The following EXOC2 variants were observed in gnomAD, a reference collection of about 807,000 sequenced individuals.
EXOC2 encodes the protein exocyst complex component 2.
EXOC2 carries 70 observed loss-of-function variants against 131.8 expected under a neutral mutation model. The ratio of observed to expected loss-of-function variants is 0.53; its 90% CI spans 0.44 to 0.65. The LOEUF is 0.65. EXOC2 is among the 30% of genes least tolerant of loss of function. The probability of loss-of-function intolerance (pLI) is 0.00; values close to 1 mark genes in which losing one functional copy is unlikely to be tolerated. For missense variants in EXOC2, 923 were observed against 1,108.6 expected, an observed-to-expected ratio of 0.83 and a Z score of 2.38; for synonymous variants, 411 against 398.4, an observed-to-expected ratio of 1.03 and a Z score of -0.38.
chr6:593,182 T>C lies in EXOC2; in HGVS notation c.1074-595A>G, dbSNP rs532563242. On this transcript the variant is annotated intron_variant, in intron 10 of 27. Coordinates refer to ENST00000230449, the MANE Select transcript of EXOC2 (RefSeq NM_018303.6). ...TATCTACCTGATGAGCATTTTTCTTTATATTTATATTTAGTTCACAGGAGT... is the reference window on the plus strand; with the variant it reads ...TATCTACCTGATGAGCATTTTTCTTCATATTTATATTTAGTTCACAGGAGT... Among the ~76,000 whole-genome samples, 115 of 152,362 alleles carry C rather than the reference T, an allele frequency of 7.5e-4. 1 individual carries two copies. Among genetic ancestry groups the C allele is most frequent in the African/African-American group, 2.7e-3 (112 of 41,586 alleles).
At chr6:685,631 G>A (rs1468706030) in intron 1 of EXOC2, among the ~76,000 whole-genome samples, 3 of 152,194 alleles carry the variant, frequency 2.0e-5, no homozygotes, top group African/African-American at 7.2e-5. Context: ...CTCAGAGACA[G>A]GGTCATGAAC....
chr6:613,100 C>A (rs1374854305), intron 6 of EXOC2, among the ~76,000 whole-genome samples: 1 of 152,144 alleles, frequency 6.6e-6, no homozygotes, highest in Non-Finnish European at 1.5e-5. Flanking sequence ...ACCCACAGGT[C>A]ACTCCCACTT....
At chr6:635,941 T>TA (rs1762080793) in intron 2 of EXOC2, among the ~76,000 whole-genome samples, 1 of 152,240 alleles carries the variant, frequency 6.6e-6, no homozygotes, top group Non-Finnish European at 1.5e-5. Flanking sequence ...CATGCGCCTG[T>TA]AGTCCCAGCT....
chr6:685,324 A>G (rs1247014920), intron 1 of EXOC2, among the ~76,000 whole-genome samples: 2 of 152,136 alleles, frequency 1.3e-5, no homozygotes, highest in East Asian at 3.9e-4. Context: ...TTCAACAGTA[A>G]AATTAGGCTC....
intron 22 of EXOC2, among the ~76,000 whole-genome samples, chr6:544,335 G>T (rs1016039691): frequency 2.0e-5 from 3 of 152,174 alleles, no homozygotes; most frequent in Admixed American, 1.3e-4. Flanking sequence ...TTCTGATGGG[G>T]TATCTCTCTA....
At chr6:545,741 A>G (rs1056065633) in intron 22 of EXOC2, among the ~76,000 whole-genome samples, 5 of 152,230 alleles carry the variant, frequency 3.3e-5, no homozygotes, top group African/African-American at 9.6e-5. Context: ...ATCGTGAGGA[A>G]GTAATTAGAC....
intron 23 of EXOC2, among the ~76,000 whole-genome samples, chr6:515,070 G>A (rs1765068321): frequency 6.6e-6 from 1 of 152,202 alleles, no homozygotes; most frequent in African/African-American, 2.4e-5. Flanking sequence ...AAACTATAAA[G>A]ATATTGGCTT....
chr6:648,960 G>C (rs1766841), intron 1 of EXOC2, among the ~76,000 whole-genome samples: 1 of 151,768 alleles, frequency 6.6e-6, no homozygotes, highest in Non-Finnish European at 1.5e-5. Flanking sequence ...CAATCTGCCC[G>C]CTTCCGCCTC....
At chr6:636,263 T>G (rs1335391240) in intron 2 of EXOC2, among the ~76,000 whole-genome samples, 1 of 152,174 alleles carries the variant, frequency 6.6e-6, no homozygotes, top group Non-Finnish European at 1.5e-5. Flanking sequence ...ATTTTTACAC[T>G]TAGGTAAAGA....
rs192548095 is a variant in EXOC2, at chr6:619,531, C to G, written c.435G>C (p.Ser145=). Reference sequence around the variant, plus strand: ...GGAATAGCATTTCTAAGTCCTTCTGCGAAAATTTACTTCTGAGGGGAAAAA... The same window carrying G: ...GGAATAGCATTTCTAAGTCCTTCTGGGAAAATTTACTTCTGAGGGGAAAAA... ...LGIEIEKSKF[S]QKDLEMLFHG... Residue 145 remains serine (S), a synonymous_variant, in exon 5 of 28, where the codon TCG becomes TCC. Transcript: ENST00000230449. 1 of 1,612,786 alleles carries G rather than the reference C, an allele frequency of 6.2e-7. No homozygotes were observed. The highest frequency in any genetic ancestry group is 8.5e-7 in the Non-Finnish European group (1 of 1,179,320).
intron 23 of EXOC2, among the ~76,000 whole-genome samples, chr6:532,225 T>A (rs1466724413): frequency 1.3e-5 from 2 of 152,226 alleles, no homozygotes; most frequent in Non-Finnish European, 2.9e-5. Context: ...AACGATCAAT[T>A]ATTACAAGTT....
intron 23 of EXOC2, among the ~76,000 whole-genome samples, chr6:505,759 ATTCTCC>A (rs1480089640): frequency 6.6e-6 from 1 of 152,210 alleles, no homozygotes; most frequent in African/African-American, 2.4e-5. Flanking sequence ...ATCATCTGCC[ATTCTCC>A]TTCTCATCAT....
At chr6:533,890 C>G (rs893795837) in intron 22 of EXOC2, among the ~76,000 whole-genome samples, 1 of 152,178 alleles carries the variant, frequency 6.6e-6, no homozygotes, top group Admixed American at 6.5e-5. Context: ...AATAAACACA[C>G]GTCTAAGGGA....
At chr6:534,100 T>G (rs1221841024) in intron 22 of EXOC2, among the ~76,000 whole-genome samples, 2 of 152,184 alleles carry the variant, frequency 1.3e-5, no homozygotes, top group African/African-American at 4.8e-5. Context: ...CTGGTCACTG[T>G]TGAGACTGAT....
intron 20 of EXOC2, 89 bp downstream of exon 20, chr6:555,138 T>C: frequency 1.6e-6 from 1 of 639,844 alleles, no homozygotes; most frequent in Non-Finnish European, 2.4e-6. Context: ...TTACTAGAAG[T>C]CTTAGGATAT....
chr6:598,278 CA>C (rs1663842065), intron 9 of EXOC2, among the ~76,000 whole-genome samples, 155 bp from the exon 10 acceptor site: 1 of 152,212 alleles, frequency 6.6e-6, no homozygotes, highest in African/African-American at 2.4e-5. Flanking sequence ...ATGTAGGTTA[CA>C]AGGGTGTACA....
In EXOC2 at chr6:486,544, T is replaced by C; in HGVS notation, c.*127A>G. On this transcript the variant is annotated 3_prime_UTR_variant, in exon 28 of 28. Coordinates refer to ENST00000230449, the MANE Select transcript of EXOC2 (RefSeq NM_018303.6). ...AAATGTATACCAACAATTTTCGAAG[T>C]CAGAGGAAGAAAAAAGAGAAAAATG... The C allele has an allele frequency of 1.3e-6, 1 of 798,312 alleles. No individual in the cohort carries two copies. 49.5% of individuals were successfully genotyped at this position (798,312 alleles called of 1,614,324 possible).
At chr6:572,718 C>G in intron 12 of EXOC2, 74 bp from the exon 13 acceptor site, 1 of 1,511,686 alleles carries the variant, frequency 6.6e-7, no homozygotes, top group East Asian at 2.3e-5. Context: ...TATTGGCGCA[C>G]CCCCCTCCAC....
Position 489,099 on chromosome 6 carries a change from C to T in EXOC2, c.2622-61G>A, listed in dbSNP as rs548019801. ...TGCACAGGAGAACTGCTGACAAATT[C>T]TTAAGCATCCCTTAATTATTGAGAA... On this transcript the variant is annotated intron_variant, in intron 26 of 27. Coordinates refer to ENST00000230449, the MANE Select transcript of EXOC2 (RefSeq NM_018303.6). 4.5e-4 allele frequency: 671 copies of T among 1,500,644 alleles called. 4 individuals carry two copies. The Middle Eastern group carries it at 5.2e-3, about 12-fold the overall frequency. 93.0% of individuals were successfully genotyped at this position (1,500,644 alleles called of 1,614,324 possible).
Sources: gnomAD v4.1 joint callset for allele counts (sites outside exome capture counted in the v4.1 genomes callset) on GRCh38, gnomAD v4.1.1 for gene constraint, MANE v1.5 for transcripts, NCBI Gene and HGNC (gene_info 2026-07-23, HGNC 2026-07-21) for gene names.